ALK: variants seen among roughly 807,000 people sequenced by gnomAD.
ALK encodes the protein ALK receptor tyrosine kinase, also known as ALK tyrosine kinase receptor.
A neutral mutation model predicts 163.1 loss-of-function variants in ALK; 74 were observed. The observed-to-expected ratio is 0.45, with a 90% CI of 0.38 to 0.55. The LOEUF (loss-of-function observed/expected upper bound fraction) is 0.55. Among genes scored for constraint, ALK ranks in the 20% least tolerant of loss-of-function variants. The probability of loss-of-function intolerance (pLI) is 0.00; values close to 1 mark genes in which losing one functional copy is unlikely to be tolerated. For missense variants in ALK, 2,063 were observed against 2,105.3 expected, an observed-to-expected ratio of 0.98 and a Z score of 0.39; for synonymous variants, 960 against 843.2, an observed-to-expected ratio of 1.14 and a Z score of -2.40.
intron 1 of ALK, among the ~76,000 whole-genome samples, chr2:29,847,081 A>C (rs928135538): frequency 2.0e-5 from 3 of 152,134 alleles, no homozygotes; most frequent in Admixed American, 6.5e-5. Flanking sequence ...ACCAGCAAAA[A>C]CACAGAGAGG....
At chr2:29,840,074 T>C (rs1665660924) in intron 1 of ALK, among the ~76,000 whole-genome samples, 3 of 152,214 alleles carry the variant, frequency 2.0e-5, no homozygotes, top group Non-Finnish European at 2.9e-5. Context: ...TCTAAATCTA[T>C]AGCTTTTATT....
chr2:29,716,799 G>C (rs1208352070), intron 2 of ALK, among the ~76,000 whole-genome samples: 1 of 151,950 alleles, frequency 6.6e-6, no homozygotes, highest in Non-Finnish European at 1.5e-5. Flanking sequence ...CTTCTTAACT[G>C]TAAGGGGCCC....
chr2:29,837,342 T>C (rs1208839612), intron 1 of ALK, among the ~76,000 whole-genome samples: 3 of 152,154 alleles, frequency 2.0e-5, no homozygotes, highest in Non-Finnish European at 4.4e-5. Flanking sequence ...TTGTAGGATA[T>C]GGCACCAGAA....
chr2:29,656,671 A>C (rs1329898308), intron 3 of ALK, among the ~76,000 whole-genome samples: 1 of 152,200 alleles, frequency 6.6e-6, no homozygotes, highest in Non-Finnish European at 1.5e-5. Flanking sequence ...TGTCCTGTTC[A>C]CAGTCAAACA....
At chr2:29,446,569 G>C (rs141262209) in intron 4 of ALK, among the ~76,000 whole-genome samples, 5 of 152,112 alleles carry the variant, frequency 3.3e-5, no homozygotes, top group African/African-American at 1.2e-4. Context: ...CTGGGTTGTC[G>C]GAGCTTCTTA....
At chr2:29,828,682 T>C (rs1483782075) in intron 1 of ALK, among the ~76,000 whole-genome samples, 6 of 152,124 alleles carry the variant, frequency 3.9e-5, no homozygotes, top group Admixed American at 1.3e-4. Context: ...CTGGAGAGGA[T>C]GTGGAGAAAT....
chr2:29,695,512 C>G (rs764136722), intron 2 of ALK, among the ~76,000 whole-genome samples: 1 of 152,188 alleles, frequency 6.6e-6, no homozygotes, highest in Non-Finnish European at 1.5e-5. Flanking sequence ...GTAAAACATA[C>G]TGCCTAAGAA....
At chr2:29,454,500 C>A (rs898406270) in intron 4 of ALK, among the ~76,000 whole-genome samples, 2 of 151,938 alleles carry the variant, frequency 1.3e-5, no homozygotes, top group Non-Finnish European at 2.9e-5. Context: ...TTGGTTGAAT[C>A]CACAAATGCA....
chr2:29,375,064 C>T (rs1668722856), intron 5 of ALK, among the ~76,000 whole-genome samples: 1 of 152,140 alleles, frequency 6.6e-6, no homozygotes, highest in Non-Finnish European at 1.5e-5. Context: ...TAATTAACAT[C>T]ACAAAGCTCT....
At chr2:29,708,943 G>A (rs1440531030) in intron 2 of ALK, among the ~76,000 whole-genome samples, 1 of 152,182 alleles carries the variant, frequency 6.6e-6, no homozygotes, top group African/African-American at 2.4e-5. Flanking sequence ...TGAATTGGAG[G>A]TCTCTTCTGA....
chr2:29,705,616 G>A (rs1678887165), intron 2 of ALK, among the ~76,000 whole-genome samples: 2 of 152,060 alleles, frequency 1.3e-5, no homozygotes, highest in African/African-American at 2.4e-5. Flanking sequence ...TCCTGCATGA[G>A]GTCAGGCTCC....
At chr2:29,792,322 C>T (rs1306556267) in intron 1 of ALK, among the ~76,000 whole-genome samples, 4 of 151,966 alleles carry the variant, frequency 2.6e-5, no homozygotes, top group African/African-American at 9.7e-5. Flanking sequence ...AGACTCAGGT[C>T]TGTATAAGAA....
At chr2:29,681,582 G>T (rs564435864) in intron 3 of ALK, among the ~76,000 whole-genome samples, 1 of 152,116 alleles carries the variant, frequency 6.6e-6, no homozygotes, top group African/African-American at 2.4e-5. Context: ...ATACACAACC[G>T]TAGGATTGGC....
intron 2 of ALK, among the ~76,000 whole-genome samples, chr2:29,704,888 C>T (rs1373089699): frequency 3.9e-5 from 6 of 152,080 alleles, no homozygotes; most frequent in Non-Finnish European, 7.4e-5. Flanking sequence ...CCACTTGAGT[C>T]TTGGTTTTCT....
chr2:29,326,124 A>G (rs1033442160), intron 6 of ALK, among the ~76,000 whole-genome samples: 1 of 152,198 alleles, frequency 6.6e-6, no homozygotes, highest in Non-Finnish European at 1.5e-5. Flanking sequence ...ACAGCTTGTC[A>G]GAGCCGCTTT....
intron 3 of ALK, among the ~76,000 whole-genome samples, chr2:29,581,878 T>G (rs1257335371): frequency 1.3e-5 from 2 of 152,222 alleles, no homozygotes; most frequent in African/African-American, 4.8e-5. Context: ...CCTTACCTCT[T>G]AGGCAGAGAG....
rs1667945580 is a variant in ALK, at chr2:29,920,026, G to A, written c.634C>T (p.Gln212Ter). The part of the protein sequence containing the change: ...GRLSAAIRAS[Q>*]PRLLFQIFGT... ...AAGATCTGGAAGAGAAGGCGGGGCT[G>A]GGAGGCGCGAATTGCCGCGGACAGC... Residue 212 changes from glutamine to a stop codon, truncating the protein, a stop_gained, in exon 1 of 29, where the codon CAG (glutamine) becomes TAG (stop). Coordinates refer to ENST00000389048, the MANE Select transcript of ALK (RefSeq NM_004304.5). LOFTEE classifies it high-confidence loss of function. 1 of 1,614,032 alleles carries A rather than the reference G, an allele frequency of 6.2e-7. No individual in the cohort carries two copies. Among genetic ancestry groups the A allele is most frequent in the Admixed American group, 1.7e-5 (1 of 60,018 alleles).
chr2:29,811,768 C>G (rs1664767614), intron 1 of ALK, among the ~76,000 whole-genome samples: 1 of 152,212 alleles, frequency 6.6e-6, no homozygotes. Flanking sequence ...GTTCATGTTA[C>G]TGGTGATGCC....
At chr2:29,294,050 C>T (rs966607909) in intron 9 of ALK, among the ~76,000 whole-genome samples, 7 of 152,204 alleles carry the variant, frequency 4.6e-5, no homozygotes, top group African/African-American at 1.7e-4. Flanking sequence ...TAGCTGAAGC[C>T]AGGAGCTGCC....
Sources: gnomAD v4.1 joint callset for allele counts (sites outside exome capture counted in the v4.1 genomes callset) on GRCh38, gnomAD v4.1.1 for gene constraint, MANE v1.5 for transcripts, NCBI Gene and HGNC (gene_info 2026-07-23, HGNC 2026-07-21) for gene names.